The following CHD7 variants were observed in gnomAD, a reference collection of about 807,000 sequenced individuals.
The protein encoded by CHD7 is chromodomain helicase DNA binding protein 7.
Under a neutral mutation model 307.3 loss-of-function variants are expected in CHD7, and 24 were observed. That is an observed-to-expected ratio of 0.08 (90% CI 0.06 to 0.11). The LOEUF (loss-of-function observed/expected upper bound fraction) is 0.11. CHD7 is among the 10% of genes least tolerant of loss of function. CHD7 has a pLI of 1.00. For missense variants in CHD7, 3,106 were observed against 3,727.1 expected, an observed-to-expected ratio of 0.83 and a Z score of 4.34; for synonymous variants, 1,363 against 1,349.9, an observed-to-expected ratio of 1.01 and a Z score of -0.21.
chr8:60,822,466 A>G, intron 11 of CHD7, 37 bp from the exon 12 acceptor site: 3 of 1,600,734 alleles, frequency 1.9e-6, no homozygotes, highest in Non-Finnish European at 2.6e-6. Flanking sequence ...TCATATCCAT[A>G]CTCATTAAAC....
chr8:60,847,078 A>G (rs1805241687), intron 23 of CHD7, among the ~76,000 whole-genome samples: 1 of 152,246 alleles, frequency 6.6e-6, no homozygotes, highest in African/African-American at 2.4e-5. Context: ...TAATCTCATG[A>G]GTTAACAAGA....
intron 35 of CHD7, 81 bp downstream of exon 35, chr8:60,861,206 C>A: frequency 2.8e-6 from 3 of 1,056,136 alleles, no homozygotes; most frequent in Non-Finnish European, 4.1e-6. Context: ...AAATCCCTGA[C>A]AGCTGGTCCC....
At position 60,821,945 on chromosome 8, in the gene CHD7, G is replaced by T; in HGVS notation, c.2835+18G>T. 6.2e-7 allele frequency: 1 copy of T among 1,613,212 alleles called. No individual in the cohort carries two copies. The highest frequency in any genetic ancestry group is 8.5e-7 in the Non-Finnish European group (1 of 1,179,472). On this transcript the variant is annotated intron_variant, in intron 10 of 37. Transcript: ENST00000423902. ...AGCGTGTGGTAAGAATTGGCTGATG[G>T]TAGAGAATTTAATTTGAAAATAGCA... is the stretch of plus-strand genomic sequence containing the variant.
intron 9 of CHD7, 107 bp from the exon 10 acceptor site, chr8:60,821,683 T>C (rs1265977936): frequency 9.2e-6 from 8 of 873,238 alleles, no homozygotes; most frequent in African/African-American, 3.4e-5. Flanking sequence ...AACATATATA[T>C]ACACACATAC....
chr8:60,727,934 G>A (rs928273525), intron 1 of CHD7, among the ~76,000 whole-genome samples: 2 of 152,164 alleles, frequency 1.3e-5, no homozygotes, highest in African/African-American at 2.4e-5. Context: ...CACAGGCCTC[G>A]TTGTCATCCC....
Position 60,866,921 on chromosome 8 carries a change from A to G in CHD7, c.*988A>G, listed in dbSNP as rs1302693783. On this transcript the variant is annotated 3_prime_UTR_variant, in exon 38 of 38. Transcript: ENST00000423902. Reference sequence around the variant, plus strand: ...CAGAGATGTAATTATAGAATGTAGTATATAGGGAAACTGGTGTTCACTCTA... The same window carrying G: ...CAGAGATGTAATTATAGAATGTAGTGTATAGGGAAACTGGTGTTCACTCTA... 6.6e-6 allele frequency: 1 copy of G among 152,608 alleles called. No homozygotes were observed. Among genetic ancestry groups the G allele is most frequent in the African/African-American group, 2.4e-5 (1 of 41,458 alleles). 9.5% of individuals were successfully genotyped at this position (152,608 alleles called of 1,614,324 possible).
rs760116437 is a variant in CHD7 at position 60,853,008 on chromosome 8, C to T, written c.6283C>T (p.Arg2095Trp). 27 of 1,613,824 alleles carry T rather than the reference C, an allele frequency of 1.7e-5. No homozygotes were observed. Among genetic ancestry groups the T allele is most frequent in the Admixed American group, 3.3e-5 (2 of 60,000 alleles). The change falls in exon 31 of 38, where the codon CGG becomes TGG. Residue 2095 changes from arginine (R) to tryptophan (W), a missense_variant. This residue lies in a region of CHD7 where 1,030 missense variants were observed against 1,165.4 expected (regional missense o/e 0.88). Transcript: ENST00000423902. ...LDLPEWWECG[R>W]HDRDLLVGAA... ...TCTGCCAGAGTGGTGGGAGTGTGGA[C>T]GGCATGACCGAGACTTGCTGGTTGG...
At chr8:60,719,194 T>G (rs1441674353) in intron 1 of CHD7, among the ~76,000 whole-genome samples, 2 of 152,254 alleles carry the variant, frequency 1.3e-5, no homozygotes, top group East Asian at 1.9e-4. Flanking sequence ...TATTTGGATA[T>G]GGGAAAGGAT....
At chr8:60,760,521 C>T (rs1810131174) in intron 2 of CHD7, among the ~76,000 whole-genome samples, 2 of 141,692 alleles carry the variant, frequency 1.4e-5, no homozygotes, top group South Asian at 2.4e-4. Context: ...AGAGCTTCTG[C>T]ACAGCAAAAG....
chr8:60,759,865 C>T (rs1810090486), intron 2 of CHD7, among the ~76,000 whole-genome samples: 1 of 152,094 alleles, frequency 6.6e-6, no homozygotes, highest in Non-Finnish European at 1.5e-5. Context: ...TTATTGAGGT[C>T]ATTCATTCAT....
At chr8:60,740,050 G>T (rs750983581) in intron 1 of CHD7, among the ~76,000 whole-genome samples, 2 of 152,180 alleles carry the variant, frequency 1.3e-5, no homozygotes, top group Non-Finnish European at 2.9e-5. Context: ...GATTTAATTA[G>T]TGTTCAACAA....
At chr8:60,725,363 C>G (rs548540758) in intron 1 of CHD7, among the ~76,000 whole-genome samples, 1 of 152,144 alleles carries the variant, frequency 6.6e-6, no homozygotes, top group South Asian at 2.1e-4. Context: ...CTGTATAGTC[C>G]GGAATTCTGA....
intron 4 of CHD7, among the ~76,000 whole-genome samples, chr8:60,797,563 C>T (rs755800932): frequency 2.6e-5 from 4 of 152,250 alleles, no homozygotes; most frequent in African/African-American, 4.8e-5. Context: ...TTATATGGCA[C>T]AACACTGTGA....
chr8:60,794,969 TC>T lies in CHD7; in HGVS notation c.2097-15del. The T allele has an allele frequency of 1.9e-6, 3 of 1,608,594 alleles. No homozygotes were observed. Reference sequence around the variant, plus strand: ...CACATTAAAAGTGAACACTAAGCGATCCACTTTGAATTCTAGTAATAAGAAA... The same window carrying T: ...CACATTAAAAGTGAACACTAAGCGATCACTTTGAATTCTAGTAATAAGAAA... On this transcript the variant is annotated splice_polypyrimidine_tract_variant and intron_variant, in intron 3 of 37. Coordinates refer to ENST00000423902, the MANE Select transcript of CHD7 (RefSeq NM_017780.4).
rs1382941661 is a variant in CHD7, at chr8:60,866,057, A to C, written c.*124A>C. 2 of 906,106 alleles carry C rather than the reference A, an allele frequency of 2.2e-6. No homozygotes were observed. The highest frequency in any genetic ancestry group is 3.3e-6 in the Non-Finnish European group (2 of 600,620). The allele number at this position is 906,106 out of a possible 1,614,324, so 56.1% of individuals were successfully genotyped here. On this transcript the variant is annotated 3_prime_UTR_variant, in exon 38 of 38. Coordinates refer to ENST00000423902, the MANE Select transcript of CHD7 (RefSeq NM_017780.4). ...TTCTGTAACATAGTGTAGCAAAAAAAAAAGTTCAAGTCATGTTATACAGGT... is the reference window on the plus strand; with the variant it reads ...TTCTGTAACATAGTGTAGCAAAAAACAAAGTTCAAGTCATGTTATACAGGT...
intron 3 of CHD7, among the ~76,000 whole-genome samples, chr8:60,785,392 A>G (rs1410780016): frequency 1.3e-5 from 2 of 152,232 alleles, no homozygotes; most frequent in Admixed American, 6.5e-5. Context: ...TTTTTCAATT[A>G]AGAGTGAAGT....
chr8:60,840,917 C>G (rs1382713303), intron 19 of CHD7, among the ~76,000 whole-genome samples: 1 of 152,144 alleles, frequency 6.6e-6, no homozygotes, highest in African/African-American at 2.4e-5. Flanking sequence ...CATGCCTGGC[C>G]TAAAGAATAT....
chr8:60,755,937 G>A (rs1272777436), intron 2 of CHD7, among the ~76,000 whole-genome samples: 1 of 152,138 alleles, frequency 6.6e-6, no homozygotes, highest in Non-Finnish European at 1.5e-5. Context: ...AGTACTGTCC[G>A]TGATCTTTCT....
At position 60,865,424 on chromosome 8, in the gene CHD7, A is replaced by T; in HGVS notation, c.8485A>T (p.Thr2829Ser). Residue 2829 changes from threonine (T) to serine (S), a missense_variant, in exon 38 of 38, where the codon ACT (threonine) becomes TCT (serine). Around this residue, in one of 10 missense-constraint regions of CHD7, gnomAD observed 351 missense variants for 366.2 expected, o/e 0.96. Transcript: ENST00000423902. The surrounding 1 kb of genome is among the most constrained non-coding windows in gnomAD (Gnocchi z 4.3). ...PLSAATGNTT[T>S]ASSQGEPEDS... ...GTCAGCTGCTACTGGAAACACCACT[A>T]CTGCTTCTAGTCAAGGAGAACCGGA... 2 of 1,613,886 alleles carry T rather than the reference A, an allele frequency of 1.2e-6. No individual in the cohort carries two copies.
Sources: allele counts gnomAD v4.1 joint callset (sites outside exome capture counted in the v4.1 genomes callset), GRCh38; gene constraint gnomAD v4.1.1; regional missense constraint gnomAD v4.1.1; non-coding constraint Gnocchi (gnomAD v3.1); transcripts MANE v1.5; gene names NCBI Gene and HGNC (gene_info 2026-07-23, HGNC 2026-07-21).